The following EPHA6 variants were observed in gnomAD, a reference collection of about 807,000 sequenced individuals.
EPHA6 encodes EPH receptor A6.
In EPHA6, 50 loss-of-function variants were observed where a neutral mutation model predicts 112.0. That is an observed-to-expected ratio of 0.45 (90% CI 0.36 to 0.56). The LOEUF is 0.56. Among genes scored for constraint, EPHA6 ranks in the 20% least tolerant of loss-of-function variants. The pLI is 0.00. For synonymous variants in EPHA6, 529 were observed against 490.7 expected, an observed-to-expected ratio of 1.08 and a Z score of -1.03; for missense variants, 1,280 against 1,417.4, an observed-to-expected ratio of 0.90 and a Z score of 1.56.
chr3:97,173,440 A>G (rs1014600391), intron 3 of EPHA6, among the ~76,000 whole-genome samples: 1 of 151,864 alleles, frequency 6.6e-6, no homozygotes, highest in African/African-American at 2.4e-5. Context: ...TAAAGAGACC[A>G]CTGGACTTGT....
intron 5 of EPHA6, among the ~76,000 whole-genome samples, chr3:97,253,528 A>G (rs2079205604): frequency 1.3e-5 from 2 of 152,174 alleles, no homozygotes; most frequent in Admixed American, 6.5e-5. Flanking sequence ...CGAAATAATT[A>G]TTACAGAAAT....
In EPHA6 at chr3:97,085,928, C is replaced by CATATATATATATATATAT. The variant is rs67777487; in HGVS notation, c.1114+97939_1114+97956dup. 4.5e-3 allele frequency among the ~76,000 whole-genome samples: 535 copies of CATATATATATATATATAT among 119,428 alleles called. 23 individuals carry two copies. The highest frequency in any genetic ancestry group is 0.021 in the African/African-American group (474 of 22,286). 78.3% of individuals were successfully genotyped at this position (119,428 alleles called of 152,430 possible). A position where few individuals can be genotyped will look rare whatever the true frequency, so the allele number is the denominator to read the frequency against. On this transcript the variant is annotated intron_variant, in intron 3 of 17. Transcript: ENST00000389672. ...TTGTGAGCTTTTATATATATGATGT[C>CATATATATATATATATAT]ATATATATATATATATATATACACA...
intron 11 of EPHA6, among the ~76,000 whole-genome samples, chr3:97,546,919 G>C (rs1326503435): frequency 6.6e-6 from 1 of 152,080 alleles, no homozygotes; most frequent in Admixed American, 6.6e-5. Flanking sequence ...GCTCCATCAG[G>C]TCCTTTAAGG....
At chr3:97,652,204 C>G (rs1457169945) in intron 14 of EPHA6, among the ~76,000 whole-genome samples, 2 of 152,060 alleles carry the variant, frequency 1.3e-5, no homozygotes, top group African/African-American at 4.8e-5. Flanking sequence ...TGTCCTTCAA[C>G]AGTAAACAGC....
At chr3:97,536,547 TATAAC>T (rs1272278931) in intron 11 of EPHA6, among the ~76,000 whole-genome samples, 4 of 152,134 alleles carry the variant, frequency 2.6e-5, no homozygotes, top group Non-Finnish European at 4.4e-5. Flanking sequence ...GTATTGAAGT[TATAAC>T]AGAAAGTGCT....
intron 3 of EPHA6, among the ~76,000 whole-genome samples, chr3:97,136,257 G>A (rs929480547): frequency 1.3e-5 from 2 of 152,136 alleles, no homozygotes; most frequent in African/African-American, 4.8e-5. Flanking sequence ...ATCTAGAGGT[G>A]CTAATACCTT....
intron 5 of EPHA6, among the ~76,000 whole-genome samples, chr3:97,312,173 A>T (rs2081593229): frequency 6.6e-6 from 1 of 151,632 alleles, no homozygotes; most frequent in South Asian, 2.1e-4. Flanking sequence ...AAATTCTAAA[A>T]TGTATAAGAT....
intron 3 of EPHA6, among the ~76,000 whole-genome samples, chr3:97,144,032 GT>G (rs1237255232): frequency 6.6e-6 from 1 of 151,686 alleles, no homozygotes; most frequent in Non-Finnish European, 1.5e-5. Context: ...TTTGTGCAAG[GT>G]TGTGGTTTTT....
chr3:97,044,101 T>C (rs574490279), intron 3 of EPHA6, among the ~76,000 whole-genome samples: 6 of 152,240 alleles, frequency 3.9e-5, no homozygotes, highest in African/African-American at 1.2e-4. Context: ...CAGATGATGC[T>C]TTCCAAACCT....
At chr3:97,668,850 T>C (rs1435008058) in intron 14 of EPHA6, among the ~76,000 whole-genome samples, 1 of 130,534 alleles carries the variant, frequency 7.7e-6, no homozygotes, top group African/African-American at 3.0e-5. Flanking sequence ...GAGGTAAAGG[T>C]TGCAGTGAGC....
Position 97,757,216 on chromosome 3 carries a change from TA to T in EPHA6, c.*8520del, listed in dbSNP as rs1016099106. Among the ~76,000 whole-genome samples the T allele has an allele frequency of 1.3e-5, 2 of 151,798 alleles. No homozygotes were observed. Among genetic ancestry groups the T allele is most frequent in the African/African-American group, 4.8e-5 (2 of 41,432 alleles). The stretch of plus-strand genomic sequence containing the variant: ...TTAAAAACTGTTAGAAAAGAGTGAA[TA>T]AAAAGTATGTCACAGTACTCTTACT... On this transcript the variant is annotated 3_prime_UTR_variant, in exon 18 of 18. Coordinates refer to ENST00000389672, the MANE Select transcript of EPHA6 (RefSeq NM_001080448.3).
At chr3:97,606,870 C>T (rs752857017) in intron 12 of EPHA6, among the ~76,000 whole-genome samples, 127 of 150,942 alleles carry the variant, frequency 8.4e-4, no homozygotes, top group Non-Finnish European at 1.2e-3. Context: ...TCCAAAGAGT[C>T]CTGAGTTGCA....
chr3:97,136,172 T>A (rs1420491542), intron 3 of EPHA6, among the ~76,000 whole-genome samples: 2 of 152,168 alleles, frequency 1.3e-5, no homozygotes, highest in Non-Finnish European at 2.9e-5. Context: ...CAATGAAAGA[T>A]GAGCTCCTAA....
intron 2 of EPHA6, among the ~76,000 whole-genome samples, chr3:96,985,047 A>ACCCACTGTCCTGCC (rs2042965586): frequency 1.3e-5 from 2 of 152,052 alleles, no homozygotes; most frequent in African/African-American, 4.8e-5. Flanking sequence ...AGTGGGCTGC[A>ACCCACTGTCCTGCC]CCCACTGTCC....
chr3:97,485,529 A>G lies in EPHA6; in HGVS notation c.2200+1470A>G, dbSNP rs978171725. On this transcript the variant is annotated intron_variant, in intron 10 of 17. Coordinates refer to ENST00000389672, the MANE Select transcript of EPHA6 (RefSeq NM_001080448.3). ...TTCCCTAGGTACCATAGATCACCTC[A>G]TCTCCTGCATGGCTGGGTCTCCCTC... is the stretch of plus-strand genomic sequence containing the variant. Among the ~76,000 whole-genome samples, 11 of 152,118 alleles carry G rather than the reference A, an allele frequency of 7.2e-5. No homozygotes were observed. In the South Asian group the frequency reaches 1.0e-3, roughly 14 times the overall value.
intron 3 of EPHA6, among the ~76,000 whole-genome samples, chr3:97,219,176 C>T (rs184426380): frequency 3.9e-5 from 6 of 152,184 alleles, no homozygotes; most frequent in Admixed American, 3.9e-4. Flanking sequence ...TTTCCAGGCA[C>T]ATGGTGCAGG....
chr3:97,374,648 G>T (rs564456168), intron 5 of EPHA6, among the ~76,000 whole-genome samples: 1 of 152,078 alleles, frequency 6.6e-6, no homozygotes, highest in South Asian at 2.1e-4. Flanking sequence ...TTCAACCCTT[G>T]TCCTGCCGCT....
intron 10 of EPHA6, among the ~76,000 whole-genome samples, chr3:97,507,745 T>A (rs2092284354): frequency 6.6e-6 from 1 of 152,184 alleles, no homozygotes; most frequent in Non-Finnish European, 1.5e-5. Flanking sequence ...TGGTACCAGC[T>A]CCTCTTTGTA....
At chr3:97,395,637 A>G (rs2086655117) in intron 5 of EPHA6, among the ~76,000 whole-genome samples, 1 of 151,676 alleles carries the variant, frequency 6.6e-6, no homozygotes. Flanking sequence ...GGTCTGTATT[A>G]TTTATTTTAT....
Sources: allele counts gnomAD v4.1 joint callset (sites outside exome capture counted in the v4.1 genomes callset), GRCh38; gene constraint gnomAD v4.1.1; transcripts MANE v1.5; gene names NCBI Gene and HGNC (gene_info 2026-07-23, HGNC 2026-07-21).